NNT: variants seen among roughly 807,000 people sequenced by gnomAD.
The protein encoded by NNT is nicotinamide nucleotide transhydrogenase.
In NNT, 50 loss-of-function variants were observed where a neutral mutation model predicts 104.8. That is an observed-to-expected ratio of 0.48 (90% CI 0.38 to 0.60). NNT has a LOEUF of 0.60. Among genes scored for constraint, NNT ranks in the 20% least tolerant of loss-of-function variants. The pLI, the probability that NNT is intolerant of heterozygous loss-of-function variation, is 0.00. For synonymous variants in NNT, 461 were observed against 490.4 expected (o/e 0.94, Z 0.79); for missense variants, 1,131 against 1,330.7 (o/e 0.85, Z 2.33).
chr5:43,672,963 C>G (rs1741205803), intron 17 of NNT, among the ~76,000 whole-genome samples: 1 of 152,226 alleles, frequency 6.6e-6, no homozygotes, highest in Admixed American at 6.5e-5. Flanking sequence ...CTTTATTTAC[C>G]TACTCAAGGC....
chr5:43,636,643 C>G (rs1750944456), intron 7 of NNT, among the ~76,000 whole-genome samples: 1 of 152,082 alleles, frequency 6.6e-6, no homozygotes, highest in South Asian at 2.1e-4. Context: ...ATTTTGGTAG[C>G]TAATGTACAT....
rs558334805 is a variant in NNT, at chr5:43,610,929, A to G, written c.151+1583A>G. On this transcript the variant is annotated intron_variant, in intron 2 of 21. Coordinates refer to ENST00000344920, the MANE Select transcript of NNT (RefSeq NM_182977.3). ...TCTTCACTATTTCCTAATTATTTTT[A>G]TCTCTGAAAGATAAGAAGTCTATTT... 4.6e-5 allele frequency among the ~76,000 whole-genome samples: 7 copies of G among 152,322 alleles called. No individual in the cohort carries two copies. The East Asian group carries it at 1.4e-3, about 29-fold the overall frequency.
intron 19 of NNT, among the ~76,000 whole-genome samples, chr5:43,678,518 G>A (rs768775223): frequency 2.4e-4 from 37 of 152,204 alleles, no homozygotes; most frequent in Admixed American, 2.0e-3. Flanking sequence ...TGGGGAAATC[G>A]GATGTCTTGT....
chr5:43,607,954 G>A (rs1355756296), intron 1 of NNT, among the ~76,000 whole-genome samples: 2 of 149,102 alleles, frequency 1.3e-5, no homozygotes, highest in Non-Finnish European at 3.0e-5. Context: ...TTTTTGAGAC[G>A]GTGTCTCACT....
chr5:43,666,269 C>A (rs549856329), intron 17 of NNT, among the ~76,000 whole-genome samples: 1 of 151,986 alleles, frequency 6.6e-6, no homozygotes, highest in South Asian at 2.1e-4. Context: ...TGTAGCCAGC[C>A]GAGAGCATGC....
chr5:43,652,527 ATT>A (rs35863403), intron 13 of NNT, among the ~76,000 whole-genome samples: 1,457 of 143,348 alleles, frequency 0.01, 20 homozygotes, highest in African/African-American at 0.035. Context: ...TGAATGAACA[ATT>A]TTTTTTTTTT....
At position 43,659,167 on chromosome 5, in the gene NNT, C is replaced by T. The variant is rs943262454; in HGVS notation, c.2455-4C>T. The T allele has an allele frequency of 1.2e-5, 19 of 1,591,084 alleles. No individual in the cohort carries two copies. Among genetic ancestry groups the T allele is most frequent in the Non-Finnish European group, 1.6e-5 (19 of 1,169,176 alleles). Reference sequence around the variant, plus strand: ...TTTGAGTTCTGATTTGATTGTTGTTCTAGGGTGTGACTTTGACAGCTGCTA... The same window carrying T: ...TTTGAGTTCTGATTTGATTGTTGTTTTAGGGTGTGACTTTGACAGCTGCTA... On this transcript the variant is annotated splice_polypyrimidine_tract_variant and splice_region_variant and intron_variant, in intron 16 of 21. Transcript: ENST00000344920.
intron 2 of NNT, 133 bp downstream of exon 2, chr5:43,609,479 C>T (rs1749394561): frequency 2.6e-6 from 2 of 771,248 alleles, no homozygotes; most frequent in Admixed American, 5.8e-5. Context: ...AAACAAACAA[C>T]AAGTAAGTGC....
chr5:43,673,418 C>G (rs1307621372), intron 17 of NNT, among the ~76,000 whole-genome samples: 2 of 152,192 alleles, frequency 1.3e-5, no homozygotes, highest in African/African-American at 4.8e-5. Context: ...ATTCGGCCAT[C>G]TTGGAACCCA....
chr5:43,615,530 G>A (rs1183501297), intron 3 of NNT, among the ~76,000 whole-genome samples: 1 of 152,154 alleles, frequency 6.6e-6, no homozygotes, highest in African/African-American at 2.4e-5. Flanking sequence ...AAGTTTTGGG[G>A]ACTGCAGGTT....
chr5:43,658,949 A>T (rs940807234), intron 16 of NNT, among the ~76,000 whole-genome samples: 1 of 152,002 alleles, frequency 6.6e-6, no homozygotes, highest in Non-Finnish European at 1.5e-5. Flanking sequence ...GTGTTTTTTT[A>T]AAATGTAGGG....
intron 21 of NNT, among the ~76,000 whole-genome samples, chr5:43,703,703 A>G (rs920836528): frequency 1.3e-5 from 2 of 152,132 alleles, no homozygotes; most frequent in African/African-American, 2.4e-5. Flanking sequence ...AGATTGACTT[A>G]CCTCTTCCAT....
chr5:43,656,914 T>C, intron 16 of NNT, 101 bp downstream of exon 16: 1 of 1,156,254 alleles, frequency 8.6e-7, no homozygotes, highest in Non-Finnish European at 1.2e-6. Context: ...AGAACCTTGA[T>C]GGAATAAAAA....
intron 17 of NNT, among the ~76,000 whole-genome samples, chr5:43,660,081 C>T (rs976874759): frequency 2.0e-5 from 3 of 152,134 alleles, no homozygotes; most frequent in African/African-American, 7.2e-5. Context: ...TATGGATATA[C>T]AAAATTTATT....
chr5:43,649,513 A>C (rs1437069797), intron 11 of NNT, among the ~76,000 whole-genome samples: 1 of 151,560 alleles, frequency 6.6e-6, no homozygotes, highest in African/African-American at 2.4e-5. Context: ...GGAGTGTGTC[A>C]GCTCTTTGGG....
chr5:43,617,155 TC>T (rs1262575370), intron 4 of NNT, among the ~76,000 whole-genome samples: 2 of 152,250 alleles, frequency 1.3e-5, no homozygotes, highest in Non-Finnish European at 2.9e-5. Context: ...TAAAATTTTA[TC>T]TAGAAAATGT....
intron 4 of NNT, 144 bp from the exon 5 acceptor site, chr5:43,618,888 A>G (rs904364004): frequency 3.6e-5 from 14 of 390,434 alleles, no homozygotes; most frequent in African/African-American, 2.9e-4. Context: ...AACACTTAGA[A>G]CTGTTTTTGA....
At chr5:43,653,308 T>C (rs1739864577) in intron 14 of NNT, 95 bp downstream of exon 14, 8 of 1,178,620 alleles carry the variant, frequency 6.8e-6, no homozygotes, top group Non-Finnish European at 9.3e-6. Flanking sequence ...ATTTTGTTCA[T>C]GGAAGTTGCT....
intron 19 of NNT, 84 bp downstream of exon 19, chr5:43,677,890 T>C (rs556968006): frequency 5.3e-6 from 6 of 1,139,952 alleles, no homozygotes; most frequent in South Asian, 5.0e-5. Flanking sequence ...CCTTGAACAA[T>C]GTAGGGGTTA....
Sources: gnomAD v4.1 joint callset for allele counts (sites outside exome capture counted in the v4.1 genomes callset) on GRCh38, gnomAD v4.1.1 for gene constraint, MANE v1.5 for transcripts, NCBI Gene and HGNC (gene_info 2026-07-23, HGNC 2026-07-21) for gene names.